The following UBE2D2 variants were observed in gnomAD, a reference collection of about 807,000 sequenced individuals.
UBE2D2 encodes the protein ubiquitin conjugating enzyme E2 D2, also known as ubiquitin-conjugating enzyme E2 D2.
A neutral mutation model predicts 24.2 loss-of-function variants in UBE2D2; 2 were observed. The ratio of observed to expected loss-of-function variants is 0.08; its 90% CI spans 0.03 to 0.26. The LOEUF (loss-of-function observed/expected upper bound fraction) is 0.26, where lower values mean the gene tolerates loss of function less well. Ranked by LOEUF, UBE2D2 falls within the 10% of genes least tolerant of loss-of-function variation. The probability of loss-of-function intolerance (pLI) is 1.00; values close to 1 mark genes in which losing one functional copy is unlikely to be tolerated. For missense variants in UBE2D2, 44 were observed against 177.6 expected (o/e 0.25, Z 4.28); for synonymous variants, 58 against 56.5 (o/e 1.03, Z -0.12).
chr5:139,623,685 CT>C lies in UBE2D2; in HGVS notation c.398+234del, dbSNP rs932615006. ...ACGTGACTCCTCTTGTCTACAAAAA[CT>C]TTTTTTTTTGTTTGTTTTTTTTTGA... On this transcript the variant is annotated intron_variant, in intron 6 of 6. Transcript: ENST00000398733. 2,071 of 362,060 alleles carry C rather than the reference CT, an allele frequency of 5.7e-3. 1 individual carries two copies. The highest frequency in any genetic ancestry group is 8.3e-3 in the South Asian group (116 of 13,900). 22.4% of individuals were successfully genotyped at this position (362,060 alleles called of 1,614,324 possible).
chr5:139,587,629 C>T (rs1221137068), intron 1 of UBE2D2, among the ~76,000 whole-genome samples: 3 of 146,416 alleles, frequency 2.0e-5, no homozygotes, highest in South Asian at 2.2e-4. Context: ...GCCAAGGTCG[C>T]GCCACTGCAC....
At position 139,596,742 on chromosome 5, in the gene UBE2D2, AAATAAT is replaced by A. The variant is rs371259673; in HGVS notation, c.25-3613_25-3608del. On this transcript the variant is annotated intron_variant, in intron 1 of 6. Transcript: ENST00000398733. ...ATAGTGAGACCTTGTCTCTGCATTA[AAATAAT>A]AATAATAATAATAATAGGCCAGGTG... is the stretch of plus-strand genomic sequence containing the variant. Among the ~76,000 whole-genome samples, 34 of 151,220 alleles carry A rather than the reference AAATAAT, an allele frequency of 2.2e-4. No individual in the cohort carries two copies. The Middle Eastern group carries it at 0.014, about 61-fold the overall frequency.
chr5:139,613,867 C>A (rs1397932463), intron 2 of UBE2D2, among the ~76,000 whole-genome samples: 1 of 151,992 alleles, frequency 6.6e-6, no homozygotes, highest in Non-Finnish European at 1.5e-5. Flanking sequence ...GAGTTTGAGA[C>A]CTGGCCAAAC....
In UBE2D2 at chr5:139,562,427, G is replaced by A. The variant is rs149130219; in HGVS notation, c.24+612G>A. On this transcript the variant is annotated intron_variant, in intron 1 of 6. Transcript: ENST00000398733. ...AAAAAGGTGACTTAATGAGGGAGGA[G>A]GGAAGTAGAGGGAGAATCATTTTAT... 254 of 1,293,054 alleles carry A rather than the reference G, an allele frequency of 2.0e-4. No homozygotes were observed. In the African/African-American group the frequency reaches 3.3e-3, roughly 17 times the overall value. The allele number at this position is 1,293,054 out of a possible 1,614,324, so 80.1% of individuals were successfully genotyped here.
At chr5:139,615,917 C>T (rs921586191) in intron 5 of UBE2D2, among the ~76,000 whole-genome samples, 3 of 140,420 alleles carry the variant, frequency 2.1e-5, no homozygotes, top group African/African-American at 5.5e-5. Flanking sequence ...CTCATTGAAA[C>T]CTCCACCTCC....
intron 1 of UBE2D2, among the ~76,000 whole-genome samples, chr5:139,532,756 G>C (rs889244461): frequency 6.6e-6 from 1 of 152,022 alleles, no homozygotes; most frequent in Non-Finnish European, 1.5e-5. Context: ...CAAAGTGCTG[G>C]GATTACAGGC....
chr5:139,546,502 A>T (rs2126635332), intron 1 of UBE2D2, among the ~76,000 whole-genome samples: 2 of 142,856 alleles, frequency 1.4e-5, no homozygotes, highest in African/African-American at 5.3e-5. Context: ...CTTTTGTTTG[A>T]AACAGAGTCT....
intron 1 of UBE2D2, among the ~76,000 whole-genome samples, chr5:139,580,307 C>G (rs572987027): frequency 3.3e-5 from 5 of 151,982 alleles, no homozygotes; most frequent in Non-Finnish European, 5.9e-5. Context: ...TCAAGTGTTA[C>G]GCCCACCTCA....
At chr5:139,624,643 G>A (rs759289566) in intron 6 of UBE2D2, among the ~76,000 whole-genome samples, 10 of 152,214 alleles carry the variant, frequency 6.6e-5, no homozygotes, top group East Asian at 1.9e-4. Context: ...AAAATTAGCC[G>A]GGCATGGTGG....
In UBE2D2 at chr5:139,539,740, C is replaced by T. The variant is rs895218142; in HGVS notation, c.-64+13128C>T. Among the ~76,000 whole-genome samples the T allele has an allele frequency of 5.3e-5, 8 of 151,490 alleles. No individual in the cohort carries two copies. The South Asian group carries it at 1.0e-3, about 20-fold the overall frequency. On this transcript the variant is annotated intron_variant, in intron 1 of 6. Transcript: ENST00000511725. ...CCAAGTAGCTGGAACTACAAGTGCC[C>T]GCCACCATGCCTGGCTAATTTTTGT...
chr5:139,548,056 T>C (rs1323357480), intron 1 of UBE2D2, among the ~76,000 whole-genome samples: 2 of 149,930 alleles, frequency 1.3e-5, no homozygotes, highest in Non-Finnish European at 3.0e-5. Flanking sequence ...CCTAGCACTT[T>C]AGGAGGCTGA....
intron 1 of UBE2D2, among the ~76,000 whole-genome samples, chr5:139,554,193 G>C (rs1282608862): frequency 6.6e-6 from 1 of 151,870 alleles, no homozygotes. Flanking sequence ...TTTTTTTAAA[G>C]GCTCATGCAG....
At chr5:139,584,134 G>A (rs989426344) in intron 1 of UBE2D2, among the ~76,000 whole-genome samples, 3 of 152,134 alleles carry the variant, frequency 2.0e-5, no homozygotes, top group Admixed American at 2.0e-4. Context: ...TTCATGATGA[G>A]TGCCCTATAG....
At chr5:139,582,862 G>A (rs967504060) in intron 1 of UBE2D2, among the ~76,000 whole-genome samples, 9 of 151,706 alleles carry the variant, frequency 5.9e-5, no homozygotes, top group Non-Finnish European at 1.5e-5. Context: ...AGTAGAGATG[G>A]GGTTTCACCG....
chr5:139,619,863 C>CAAAAAAAAAA, intron 5 of UBE2D2, among the ~76,000 whole-genome samples: 1 of 149,976 alleles, frequency 6.7e-6, no homozygotes, highest in African/African-American at 2.5e-5. Context: ...AACTCCGTCT[C>CAAAAAAAAAA]AAAAAAAAAG....
chr5:139,607,152 T>A (rs909230689), intron 2 of UBE2D2, among the ~76,000 whole-genome samples: 2 of 152,202 alleles, frequency 1.3e-5, no homozygotes, highest in African/African-American at 4.8e-5. Context: ...GGTTTGGTAT[T>A]CTGTCACTAG....
At chr5:139,575,358 C>T (rs1019580198) in intron 1 of UBE2D2, among the ~76,000 whole-genome samples, 4 of 151,990 alleles carry the variant, frequency 2.6e-5, no homozygotes, top group Non-Finnish European at 5.9e-5. Flanking sequence ...TGTTGACCTA[C>T]GGAATTGGTA....
chr5:139,553,409 T>C (rs564829435), intron 1 of UBE2D2, among the ~76,000 whole-genome samples: 1 of 152,336 alleles, frequency 6.6e-6, no homozygotes, highest in Non-Finnish European at 1.5e-5. Flanking sequence ...TGTCTATTTA[T>C]ATTAATGAGA....
intron 1 of UBE2D2, among the ~76,000 whole-genome samples, chr5:139,563,580 C>G (rs2126648014): frequency 6.6e-6 from 1 of 152,276 alleles, no homozygotes; most frequent in Non-Finnish European, 1.5e-5. Context: ...AGCTTGTCCT[C>G]TTATTTTATA....
Sources: allele counts gnomAD v4.1 joint callset (sites outside exome capture counted in the v4.1 genomes callset), GRCh38; gene constraint gnomAD v4.1.1; transcripts MANE v1.5; gene names NCBI Gene and HGNC (gene_info 2026-07-23, HGNC 2026-07-21).